ANKS1B: variants seen among roughly 807,000 people sequenced by gnomAD.
ANKS1B encodes the protein ankyrin repeat and sterile alpha motif domain-containing protein 1B.
In ANKS1B, 36 loss-of-function variants were observed where a neutral mutation model predicts 148.3. The observed-to-expected ratio is 0.24, with a 90% CI of 0.19 to 0.32. The LOEUF is 0.32. ANKS1B is among the 10% of genes least tolerant of loss of function. The pLI, the probability that ANKS1B is intolerant of heterozygous loss-of-function variation, is 1.00. For missense variants in ANKS1B, 1,157 were observed against 1,542.6 expected, an observed-to-expected ratio of 0.75 and a Z score of 4.19; for synonymous variants, 542 against 560.8, an observed-to-expected ratio of 0.97 and a Z score of 0.47.
chr12:99,383,042 T>C (rs1000903965), intron 12 of ANKS1B, among the ~76,000 whole-genome samples: 2 of 152,154 alleles, frequency 1.3e-5, no homozygotes, highest in Admixed American at 6.5e-5. Context: ...CCTCTGTCCT[T>C]TCCCAGAGAT....
At chr12:98,799,984 G>A (rs1453088691) in intron 21 of ANKS1B, among the ~76,000 whole-genome samples, 1 of 152,054 alleles carries the variant, frequency 6.6e-6, no homozygotes, top group African/African-American at 2.4e-5. Context: ...GACGGGGATG[G>A]GAACCACTCT....
rs529042920 is a variant in ANKS1B at position 99,358,392 on chromosome 12, C to A, written c.1756+41239G>T. ...ATATCATTTGTATAATTCATTCTTC[C>A]CATAACATGTTGATGCTTCCCCTAT... On this transcript the variant is annotated intron_variant, in intron 12 of 26. Transcript: ENST00000683438. Among the ~76,000 whole-genome samples, 4 of 152,114 alleles carry A rather than the reference C, an allele frequency of 2.6e-5. No individual in the cohort carries two copies. The East Asian group carries it at 7.7e-4, about 29-fold the overall frequency.
intron 15 of ANKS1B, chr12:99,093,420 T>C: frequency 6.6e-6 from 1 of 152,230 alleles, no homozygotes; most frequent in East Asian, 1.9e-4. Context: ...CAGTGCCTTG[T>C]CAAACGACCT....
intron 14 of ANKS1B, among the ~76,000 whole-genome samples, chr12:99,180,759 C>G (rs1200475875): frequency 6.6e-6 from 1 of 151,622 alleles, no homozygotes. Flanking sequence ...CACAAAACCC[C>G]AAAGCATGGC....
At chr12:99,953,095 A>C (rs2095255830) in intron 1 of ANKS1B, among the ~76,000 whole-genome samples, 1 of 152,200 alleles carries the variant, frequency 6.6e-6, no homozygotes, top group Admixed American at 6.5e-5. Context: ...CTTATACAGA[A>C]ATGGTTTCTA....
At chr12:99,804,914 A>G (rs570402621) in intron 4 of ANKS1B, among the ~76,000 whole-genome samples, 150 of 152,234 alleles carry the variant, frequency 9.9e-4, no homozygotes, top group African/African-American at 3.5e-3. Flanking sequence ...GACCTGCTGA[A>G]TCATGACAGA....
At chr12:99,953,756 A>G (rs2095268632) in intron 1 of ANKS1B, among the ~76,000 whole-genome samples, 1 of 152,220 alleles carries the variant, frequency 6.6e-6, no homozygotes, top group South Asian at 2.1e-4. Flanking sequence ...AGGGGAAGGC[A>G]TTCTTACTGC....
chr12:99,098,348 C>T (rs2056881996), intron 15 of ANKS1B, among the ~76,000 whole-genome samples: 2 of 152,136 alleles, frequency 1.3e-5, no homozygotes, highest in Non-Finnish European at 1.5e-5. Context: ...CCAGCCCAGT[C>T]GTCTCCATGA....
At chr12:98,928,260 TAA>T (rs1360135268) in intron 17 of ANKS1B, among the ~76,000 whole-genome samples, 2 of 150,266 alleles carry the variant, frequency 1.3e-5, no homozygotes, top group African/African-American at 4.9e-5. Context: ...AATCTTAATA[TAA>T]CAAGGATAGA....
At chr12:99,883,655 C>T (rs918305525) in intron 1 of ANKS1B, among the ~76,000 whole-genome samples, 4 of 152,260 alleles carry the variant, frequency 2.6e-5, no homozygotes, top group East Asian at 1.9e-4. Flanking sequence ...CAGTGGCTCA[C>T]GCCTGTAATC....
At chr12:99,532,787 C>T (rs919107217) in intron 9 of ANKS1B, among the ~76,000 whole-genome samples, 9 of 152,158 alleles carry the variant, frequency 5.9e-5, no homozygotes, top group African/African-American at 2.2e-4. Flanking sequence ...GATGTCCTTT[C>T]CCCAGTGCAT....
At chr12:99,400,160 T>C (rs1211242662) in intron 11 of ANKS1B, among the ~76,000 whole-genome samples, 1 of 151,318 alleles carries the variant, frequency 6.6e-6, no homozygotes, top group Non-Finnish European at 1.5e-5. Flanking sequence ...TTATTAAGCA[T>C]CTGGCATTTG....
chr12:98,831,843 G>A, intron 18 of ANKS1B, 186 bp downstream of exon 18: 1 of 626,932 alleles, frequency 1.6e-6, no homozygotes, highest in Non-Finnish European at 2.9e-6. Flanking sequence ...TCCGCCTTCT[G>A]GGTTCAAGTG....
chr12:98,830,414 T>A (rs1242749521), intron 18 of ANKS1B, among the ~76,000 whole-genome samples: 1 of 152,082 alleles, frequency 6.6e-6, no homozygotes, highest in East Asian at 1.9e-4. Context: ...TCCCTACCCA[T>A]CCCACTCCAG....
chr12:99,865,543 A>G (rs2090621541), intron 1 of ANKS1B, among the ~76,000 whole-genome samples: 1 of 152,208 alleles, frequency 6.6e-6, no homozygotes. Context: ...GCAGTTATCA[A>G]TGACTAGAAG....
chr12:99,268,789 T>TA (rs1366286833), intron 12 of ANKS1B, among the ~76,000 whole-genome samples: 4 of 152,298 alleles, frequency 2.6e-5, no homozygotes, highest in Admixed American at 6.5e-5. Flanking sequence ...ACTGCAACAA[T>TA]ATGACAGTCA....
chr12:99,488,478 T>G (rs1238016670), intron 10 of ANKS1B, among the ~76,000 whole-genome samples: 4 of 152,212 alleles, frequency 2.6e-5, no homozygotes, highest in South Asian at 4.1e-4. Flanking sequence ...TTAAAATTTT[T>G]ACCAGAAATG....
intron 14 of ANKS1B, among the ~76,000 whole-genome samples, chr12:99,212,998 C>T (rs1646166628): frequency 6.6e-6 from 1 of 152,204 alleles, no homozygotes; most frequent in South Asian, 2.1e-4. Flanking sequence ...CGTCAGGATT[C>T]ACACCTAGGT....
intron 9 of ANKS1B, among the ~76,000 whole-genome samples, chr12:99,543,011 A>C: frequency 6.6e-6 from 1 of 152,150 alleles, no homozygotes; most frequent in East Asian, 1.9e-4. Flanking sequence ...TAAAACTTTT[A>C]TGCTTCAAAG....
Sources: allele counts gnomAD v4.1 joint callset (sites outside exome capture counted in the v4.1 genomes callset), GRCh38; gene constraint gnomAD v4.1.1; transcripts MANE v1.5; gene names NCBI Gene and HGNC (gene_info 2026-07-23, HGNC 2026-07-21).